Variants in COLEC10 observed in about 807,000 individuals in gnomAD.
COLEC10 encodes collectin-10.
Under a neutral mutation model 28.4 loss-of-function variants are expected in COLEC10, and 22 were observed. The observed-to-expected ratio is 0.78, with a 90% confidence interval of 0.55 to 1.11. The LOEUF (loss-of-function observed/expected upper bound fraction) is 1.11. Among genes scored for constraint, COLEC10 ranks in the 50% least tolerant of loss-of-function variants. The pLI, the probability that COLEC10 is intolerant of heterozygous loss-of-function variation, is 0.00. For synonymous variants in COLEC10, 125 were observed against 116.1 expected, an observed-to-expected ratio of 1.08 and a Z score of -0.49; for missense variants, 361 against 344.1, an observed-to-expected ratio of 1.05 and a Z score of -0.39.
chr8:119,084,906 T>C (rs1255246754), intron 1 of COLEC10, among the ~76,000 whole-genome samples: 1 of 152,190 alleles, frequency 6.6e-6, no homozygotes, highest in Admixed American at 6.5e-5. Context: ...GTAATGATTA[T>C]ATAATAGAGA....
chr8:119,032,092 G>T (rs896529712), intron 2 of COLEC10, among the ~76,000 whole-genome samples: 3 of 152,176 alleles, frequency 2.0e-5, no homozygotes, highest in Non-Finnish European at 4.4e-5. Context: ...GGTTAGTCAG[G>T]ACTCAATTTG....
the COLEC10 span, among the ~76,000 whole-genome samples, chr8:118,960,642 T>C: frequency 6.6e-6 from 1 of 151,646 alleles, no homozygotes. Flanking sequence ...AAAATTAGCC[T>C]GGTGTGGTGG....
At chr8:119,062,668 C>T (rs563990446), upstream of COLEC10, among the ~76,000 whole-genome samples, 6 of 151,974 alleles carry the variant, frequency 3.9e-5, no homozygotes, top group African/African-American at 1.4e-4. Flanking sequence ...TTAGTAGAGA[C>T]GGGGTTTCAC....
At chr8:119,007,388 A>G (rs555449485) in intron 1 of COLEC10, among the ~76,000 whole-genome samples, 1 of 144,550 alleles carries the variant, frequency 6.9e-6, no homozygotes, top group African/African-American at 2.9e-5. Context: ...CTGGCACTAC[A>G]TGACAAATTT....
At chr8:118,991,364 C>T (rs747413457), upstream of COLEC10, among the ~76,000 whole-genome samples, 38 of 152,044 alleles carry the variant, frequency 2.5e-4, no homozygotes, top group African/African-American at 7.0e-4. Context: ...GAATGAGATA[C>T]GACCAGGAAA....
chr8:119,105,173 C>A (rs969330976), intron 5 of COLEC10, among the ~76,000 whole-genome samples: 2 of 152,070 alleles, frequency 1.3e-5, no homozygotes, highest in Admixed American at 1.3e-4. Flanking sequence ...GCACTGAAGC[C>A]AAAGAGTGTC....
intron 1 of COLEC10, among the ~76,000 whole-genome samples, chr8:119,075,951 A>C (rs1327985073): frequency 7.9e-6 from 1 of 125,794 alleles, no homozygotes; most frequent in East Asian, 2.4e-4. Context: ...CCTAGGCTGG[A>C]GTGCAGTGGT....
intron 1 of COLEC10, among the ~76,000 whole-genome samples, chr8:118,997,951 A>G (rs1290212082): frequency 6.6e-6 from 1 of 152,184 alleles, no homozygotes; most frequent in Non-Finnish European, 1.5e-5. Flanking sequence ...TCATATGATA[A>G]AATAAATTCA....
intron 1 of COLEC10, among the ~76,000 whole-genome samples, chr8:119,083,119 G>GC (rs1340888128): frequency 6.6e-6 from 1 of 152,118 alleles, no homozygotes; most frequent in African/African-American, 2.4e-5. Flanking sequence ...ACAGAGAAAA[G>GC]CAGGGGAATT....
intron 2 of COLEC10, among the ~76,000 whole-genome samples, chr8:119,053,089 G>A (rs1385758841): frequency 6.6e-6 from 1 of 152,076 alleles, no homozygotes; most frequent in Non-Finnish European, 1.5e-5. Context: ...ATTTTAAGTG[G>A]TTTGATTTGA....
chr8:118,984,980 G>C, the COLEC10 span, among the ~76,000 whole-genome samples: 1 of 151,948 alleles, frequency 6.6e-6, no homozygotes, highest in Non-Finnish European at 1.5e-5. Flanking sequence ...AGAACAGCAC[G>C]GGAACGACCC....
At chr8:118,981,151 G>A in the COLEC10 span, among the ~76,000 whole-genome samples, 23 of 151,888 alleles carry the variant, frequency 1.5e-4, no homozygotes, top group Non-Finnish European at 3.2e-4. Flanking sequence ...CTCTTCTGTG[G>A]GTTCCGCCTC....
At chr8:118,963,623 A>T in the COLEC10 span, among the ~76,000 whole-genome samples, 1 of 152,250 alleles carries the variant, frequency 6.6e-6, no homozygotes, top group African/African-American at 2.4e-5. Context: ...GGCATAGAAG[A>T]GTTCGAAATA....
chr8:119,059,964 T>C (rs189586172), intron 2 of COLEC10, among the ~76,000 whole-genome samples: 1 of 152,116 alleles, frequency 6.6e-6, no homozygotes, highest in Non-Finnish European at 1.5e-5. Context: ...TGTTCTGACT[T>C]CTTCACATAG....
In COLEC10 at chr8:119,089,730, G is replaced by A. The variant is rs368718411; in HGVS notation, c.199G>A (p.Val67Met). Reference sequence around the variant, plus strand: ...AGGAGAAGAGGGAAAGCATGGCAAAGTGGGACGCATGGGGCCGAAAGGTAA... The same window carrying A: ...AGGAGAAGAGGGAAAGCATGGCAAAATGGGACGCATGGGGCCGAAAGGTAA... ...DPGEEGKHGKVGRMGPKGIKG... is the reference protein window; with the variant it reads ...DPGEEGKHGKMGRMGPKGIKG... The change falls in exon 2 of 6, where the codon GTG (valine) becomes ATG (methionine). Residue 67 changes from valine (V) to methionine (M), a missense_variant. Transcript: ENST00000332843. 16 of 1,613,750 alleles carry A rather than the reference G, an allele frequency of 9.9e-6. No homozygotes were observed. The East Asian group carries it at 3.6e-4, about 36-fold the overall frequency.
the COLEC10 span, among the ~76,000 whole-genome samples, chr8:118,985,964 G>A: frequency 6.6e-6 from 1 of 151,994 alleles, no homozygotes; most frequent in Non-Finnish European, 1.5e-5. Flanking sequence ...ACCAGAAGAG[G>A]CAACTACTCC....
At position 119,017,509 on chromosome 8, in the gene COLEC10, G is replaced by T. The variant is rs548132348; in HGVS notation, n.235+7956G>T. The stretch of plus-strand genomic sequence containing the variant: ...GGATTCTGAGGCTGAAACCAGCTCT[G>T]TGGGAATGAGTGCAAGGGTTGACTA... On this transcript the variant is annotated intron_variant and non_coding_transcript_variant, in intron 2 of 6. Coordinates refer to the COLEC10 transcript ENST00000521788. 3.9e-5 allele frequency among the ~76,000 whole-genome samples: 6 copies of T among 152,258 alleles called. 1 individual carries two copies. Among genetic ancestry groups the T allele is most frequent in the African/African-American group, 1.4e-4 (6 of 41,562 alleles).
Position 119,106,318 on chromosome 8 carries a change from G to T in COLEC10, c.*127G>T. 2 of 902,762 alleles carry T rather than the reference G, an allele frequency of 2.2e-6. No individual in the cohort carries two copies. Among genetic ancestry groups the T allele is most frequent in the Admixed American group, 2.5e-5 (1 of 40,106 alleles). 55.9% of individuals were successfully genotyped at this position (902,762 alleles called of 1,614,324 possible). A position where few individuals can be genotyped will look rare whatever the true frequency, so the allele number is the denominator to read the frequency against. On this transcript the variant is annotated 3_prime_UTR_variant, in exon 6 of 6. Coordinates refer to ENST00000332843, the MANE Select transcript of COLEC10 (RefSeq NM_006438.5). Reference sequence around the variant, plus strand: ...CATAGCTAGAAAATGCTAAACTGAGGTATGGAGCCTCCATCATCATGCTCT... The same window carrying T: ...CATAGCTAGAAAATGCTAAACTGAGTTATGGAGCCTCCATCATCATGCTCT...
intron 2 of COLEC10, among the ~76,000 whole-genome samples, chr8:119,033,770 G>A (rs1336377643): frequency 6.6e-6 from 1 of 152,148 alleles, no homozygotes; most frequent in African/African-American, 2.4e-5. Context: ...TGGAGAAATA[G>A]GAATGCTTTT....
Sources: allele counts gnomAD v4.1 joint callset (sites outside exome capture counted in the v4.1 genomes callset), GRCh38; gene constraint gnomAD v4.1.1; transcripts MANE v1.5; gene names NCBI Gene and HGNC (gene_info 2026-07-23, HGNC 2026-07-21).